GRAP2: variants seen among roughly 807,000 people sequenced by gnomAD.
The protein encoded by GRAP2 is GRB2 related adaptor protein 2, also known as GRB2-related adapter protein 2.
A neutral mutation model predicts 43.5 loss-of-function variants in GRAP2; 31 were observed. The observed-to-expected ratio is 0.71, with a 90% CI of 0.54 to 0.96. GRAP2 has a LOEUF of 0.96. Ranked by LOEUF, GRAP2 falls within the 40% of genes least tolerant of loss-of-function variation. The pLI, the probability that GRAP2 is intolerant of heterozygous loss-of-function variation, is 0.00. For synonymous variants in GRAP2, 156 were observed against 164.8 expected, an observed-to-expected ratio of 0.95 and a Z score of 0.41; for missense variants, 371 against 424.4, an observed-to-expected ratio of 0.87 and a Z score of 1.11.
intron 6 of GRAP2, among the ~76,000 whole-genome samples, chr22:39,969,209 C>G (rs1377258521): frequency 6.6e-6 from 1 of 152,190 alleles, no homozygotes; most frequent in Non-Finnish European, 1.5e-5. Context: ...ATAAATAAAA[C>G]CTGCCTTTGC....
intron 1 of GRAP2, among the ~76,000 whole-genome samples, chr22:39,927,402 C>T (rs529821967): frequency 1.6e-4 from 24 of 152,264 alleles, no homozygotes; most frequent in Admixed American, 2.0e-4. Flanking sequence ...GGGCTAGTGA[C>T]GGGAGGAATT....
chr22:39,970,854 G>A (rs759973850), intron 7 of GRAP2, 51 bp from the exon 8 acceptor site: 1 of 1,481,356 alleles, frequency 6.8e-7, no homozygotes. Flanking sequence ...ACCCTCCCCT[G>A]CCTGCCCAGC....
At chr22:39,936,471 T>G (rs1315302708) in intron 1 of GRAP2, among the ~76,000 whole-genome samples, 1 of 152,154 alleles carries the variant, frequency 6.6e-6, no homozygotes, top group Non-Finnish European at 1.5e-5. Flanking sequence ...TGTTTTGGAT[T>G]GATGTTTTCA....
In GRAP2 at chr22:39,972,010, G is replaced by A. The variant is rs1341920306; in HGVS notation, c.*926G>A. The A allele has an allele frequency of 6.6e-6, 1 of 152,250 alleles. No individual in the cohort carries two copies. Among genetic ancestry groups the A allele is most frequent in the Admixed American group, 6.5e-5 (1 of 15,282 alleles). The allele number at this position is 152,250 out of a possible 1,614,324, so 9.4% of individuals were successfully genotyped here. A position where few individuals can be genotyped will look rare whatever the true frequency, so the allele number is the denominator to read the frequency against. On this transcript the variant is annotated 3_prime_UTR_variant, in exon 8 of 8. Coordinates refer to ENST00000344138, the MANE Select transcript of GRAP2 (RefSeq NM_004810.4). ...CTCTTTTGAAGATGCCTTGCCCAGT[G>A]GCATGGAAAGAAGCCCACTTGATGA... is the stretch of plus-strand genomic sequence containing the variant.
chr22:39,905,074 G>A (rs2066514439), intron 1 of GRAP2, among the ~76,000 whole-genome samples: 1 of 152,298 alleles, frequency 6.6e-6, no homozygotes, highest in East Asian at 1.9e-4. Context: ...GCTTGAGGTA[G>A]TGATCTTGCT....
chr22:39,931,927 T>C (rs1456328846), intron 1 of GRAP2, among the ~76,000 whole-genome samples: 1 of 151,950 alleles, frequency 6.6e-6, no homozygotes, highest in East Asian at 1.9e-4. Context: ...ACAAGAAAGG[T>C]AGAGAAAACA....
intron 1 of GRAP2, among the ~76,000 whole-genome samples, chr22:39,911,984 G>A (rs965236753): frequency 1.3e-5 from 2 of 152,210 alleles, no homozygotes; most frequent in Admixed American, 1.3e-4. Flanking sequence ...TTTACCCGCT[G>A]TAGACCTTAT....
intron 2 of GRAP2, among the ~76,000 whole-genome samples, chr22:39,951,822 C>T (rs565755978): frequency 3.9e-5 from 6 of 152,106 alleles, no homozygotes; most frequent in Admixed American, 3.9e-4. Flanking sequence ...AAAAAAAAAC[C>T]TCACCTTCTA....
At chr22:39,894,138 A>G in the GRAP2 span, among the ~76,000 whole-genome samples, 1 of 152,152 alleles carries the variant, frequency 6.6e-6, no homozygotes, top group African/African-American at 2.4e-5. Flanking sequence ...TTTAAAAAGT[A>G]GACAATAAAA....
chr22:39,971,167 ATATACATACATC>A lies in GRAP2; in HGVS notation c.*87_*98del. On this transcript the variant is annotated 3_prime_UTR_variant, in exon 8 of 8. Coordinates refer to ENST00000344138, the MANE Select transcript of GRAP2 (RefSeq NM_004810.4). ...AAAAAAGGCTGGACTCCATGACTATATATACATACATCTATCTACATCTGCCTGTGTACACAC... is the reference window on the plus strand; with the variant it reads ...AAAAAAGGCTGGACTCCATGACTATATATCTACATCTGCCTGTGTACACAC... 1 of 995,858 alleles carries A rather than the reference ATATACATACATC, an allele frequency of 1.0e-6. No individual in the cohort carries two copies. The allele number at this position is 995,858 out of a possible 1,614,324, so 61.7% of individuals were successfully genotyped here.
upstream of GRAP2, among the ~76,000 whole-genome samples, chr22:39,896,981 C>T (rs2066468438): frequency 6.6e-6 from 1 of 152,180 alleles, no homozygotes; most frequent in Non-Finnish European, 1.5e-5. Context: ...AATTCTATGA[C>T]CTCTCAACTT....
chr22:39,951,958 G>A (rs1036137893), intron 2 of GRAP2, among the ~76,000 whole-genome samples: 6 of 151,942 alleles, frequency 3.9e-5, no homozygotes, highest in Non-Finnish European at 5.9e-5. Flanking sequence ...GGAGGTCTGA[G>A]GCATGATAAC....
At chr22:39,898,045 C>T (rs941648358), upstream of GRAP2, among the ~76,000 whole-genome samples, 3 of 152,196 alleles carry the variant, frequency 2.0e-5, no homozygotes, top group Non-Finnish European at 4.4e-5. Context: ...TGATCTCCAT[C>T]CCAACTCCTC....
At chr22:39,969,357 C>G (rs56057810) in intron 6 of GRAP2, 54 bp from the exon 7 acceptor site, 447 of 1,605,484 alleles carry the variant, frequency 2.8e-4, no homozygotes, top group Non-Finnish European at 3.5e-4. Flanking sequence ...CTGGGGGAAC[C>G]GGTGGGAGAT....
At position 39,969,396 on chromosome 22, in the gene GRAP2, G is replaced by T. The variant is rs1389255446; in HGVS notation, c.691-15G>T. 6.2e-7 allele frequency: 1 copy of T among 1,613,404 alleles called. No individual in the cohort carries two copies. Among genetic ancestry groups the T allele is most frequent in the South Asian group, 1.1e-5 (1 of 91,054 alleles). On this transcript the variant is annotated splice_polypyrimidine_tract_variant and intron_variant, in intron 6 of 7. Transcript: ENST00000344138. ...CTGGCAGTGGGGTGACCAGTCTTCT[G>T]TTGTATGTTTCTAGGAACGCCGAGG...
At chr22:39,905,901 T>C (rs2066519833) in intron 1 of GRAP2, among the ~76,000 whole-genome samples, 1 of 152,180 alleles carries the variant, frequency 6.6e-6, no homozygotes, top group African/African-American at 2.4e-5. Flanking sequence ...CTTGAAGTTA[T>C]TGAAAATCCG....
At position 39,972,596 on chromosome 22, in the gene GRAP2, G is replaced by C. The variant is rs1289734257; in HGVS notation, c.*1512G>C. ...TTGCTCTAAGGAGGGATGGGGTTGGGGGCAGCCGTTATTGAAGGTGATCGG... is the reference window on the plus strand; with the variant it reads ...TTGCTCTAAGGAGGGATGGGGTTGGCGGCAGCCGTTATTGAAGGTGATCGG... On this transcript the variant is annotated 3_prime_UTR_variant, in exon 8 of 8. Coordinates refer to ENST00000344138, the MANE Select transcript of GRAP2 (RefSeq NM_004810.4). 1 of 152,198 alleles carries C rather than the reference G, an allele frequency of 6.6e-6. No homozygotes were observed. Among genetic ancestry groups the C allele is most frequent in the Non-Finnish European group, 1.5e-5 (1 of 68,046 alleles). The allele number at this position is 152,198 out of a possible 1,614,324, so 9.4% of individuals were successfully genotyped here. A position where few individuals can be genotyped will look rare whatever the true frequency, so the allele number is the denominator to read the frequency against.
chr22:39,969,485 C>T lies in GRAP2; in HGVS notation c.765C>T (p.Ala255=), dbSNP rs183166700. ...GCTTGGGCAGTGAAATGAATGCGGC[C>T]CTCATGCATCGGAGACACACAGACC... ...GTGLGSEMNA[A]LMHRRHTDPV... Residue 255 remains alanine (A), a synonymous_variant, in exon 7 of 8, where the codon GCC becomes GCT. Transcript: ENST00000344138. 6.2e-7 allele frequency: 1 copy of T among 1,614,032 alleles called. No individual in the cohort carries two copies. Among genetic ancestry groups the T allele is most frequent in the Non-Finnish European group, 8.5e-7 (1 of 1,179,936 alleles).
At chr22:39,942,311 C>CT (rs2066879543) in intron 1 of GRAP2, among the ~76,000 whole-genome samples, 1 of 152,264 alleles carries the variant, frequency 6.6e-6, no homozygotes, top group Non-Finnish European at 1.5e-5. Flanking sequence ...CCGAGAGGGG[C>CT]TTTACCTGTC....
Sources: gnomAD v4.1 joint callset for allele counts (sites outside exome capture counted in the v4.1 genomes callset) on GRCh38, gnomAD v4.1.1 for gene constraint, MANE v1.5 for transcripts, NCBI Gene and HGNC (gene_info 2026-07-23, HGNC 2026-07-21) for gene names.